Variants in MCM5 observed in about 807,000 individuals in gnomAD.
The protein encoded by MCM5 is DNA replication licensing factor MCM5.
A neutral mutation model predicts 79.9 loss-of-function variants in MCM5; 46 were observed. That is an observed-to-expected ratio of 0.58 (90% CI 0.45 to 0.74). MCM5 has a LOEUF of 0.74. MCM5 is among the 30% of genes least tolerant of loss of function. The probability of loss-of-function intolerance (pLI) is 0.00; values close to 1 mark genes in which losing one functional copy is unlikely to be tolerated. For missense variants in MCM5, 883 were observed against 1,017.0 expected, an observed-to-expected ratio of 0.87 and a Z score of 1.79; for synonymous variants, 404 against 390.5, an observed-to-expected ratio of 1.03 and a Z score of -0.41.
Position 35,424,151 on chromosome 22 carries a change from C to T in MCM5, c.2104-3C>T. 6.5e-7 allele frequency: 1 copy of T among 1,546,858 alleles called. No individual in the cohort carries two copies. Among genetic ancestry groups the T allele is most frequent in the Non-Finnish European group, 8.7e-7 (1 of 1,143,600 alleles). On this transcript the variant is annotated splice_polypyrimidine_tract_variant and splice_region_variant and intron_variant, in intron 16 of 16. Transcript: ENST00000216122. Reference sequence around the variant, plus strand: ...GCCGTTAGCCAGCCATGTGCTCCCACAGAAATACCCGGAGCACGCCATCCA... The same window carrying T: ...GCCGTTAGCCAGCCATGTGCTCCCATAGAAATACCCGGAGCACGCCATCCA...
At chr22:35,453,819 T>TATATATATAGAGAG in the MCM5 span, among the ~76,000 whole-genome samples, 167 of 81,504 alleles carry the variant, frequency 2.0e-3, no homozygotes, top group Non-Finnish European at 2.5e-3. Flanking sequence ...TATATATATA[T>TATATATATAGAGAG]AGAGAGAGAG....
the MCM5 span, among the ~76,000 whole-genome samples, chr22:35,438,559 TCATCCATC>T: frequency 2.2e-4 from 18 of 82,900 alleles, no homozygotes; most frequent in African/African-American, 7.4e-4. Context: ...ACTCACATAT[TCATCCATC>T]CATCCATCCA....
chr22:35,419,154 G>A (rs939767753), intron 13 of MCM5, among the ~76,000 whole-genome samples: 1 of 152,130 alleles, frequency 6.6e-6, no homozygotes. Context: ...AGAGGCTTGG[G>A]CCCACAGCTG....
At chr22:35,412,205 A>G (rs993100612) in intron 7 of MCM5, among the ~76,000 whole-genome samples, 2 of 152,154 alleles carry the variant, frequency 1.3e-5, no homozygotes, top group Non-Finnish European at 2.9e-5. Flanking sequence ...CCAAGACACT[A>G]TATCACTCCT....
intron 2 of MCM5, among the ~76,000 whole-genome samples, chr22:35,402,489 G>T (rs1601750543): frequency 6.6e-6 from 1 of 151,692 alleles, no homozygotes; most frequent in East Asian, 1.9e-4. Flanking sequence ...ACCACACCCG[G>T]CTAGGTTTTT....
At position 35,402,494 on chromosome 22, in the gene MCM5, G is replaced by GT. The variant is rs996685807; in HGVS notation, c.168-702dup. Among the ~76,000 whole-genome samples, 615 of 144,042 alleles carry GT rather than the reference G, an allele frequency of 4.3e-3. 2 individuals are homozygous for GT. The highest frequency in any genetic ancestry group is 6.6e-3 in the Non-Finnish European group (430 of 65,130). The allele number at this position is 144,042 out of a possible 152,430, so 94.5% of individuals were successfully genotyped here. A position where few individuals can be genotyped will look rare whatever the true frequency, so the allele number is the denominator to read the frequency against. ...GGCATCCGCCACCACACCCGGCTAG[G>GT]TTTTTTTTTTTGTATTTTTAGTAGA... On this transcript the variant is annotated intron_variant, in intron 2 of 16. Transcript: ENST00000216122.
chr22:35,400,264 G>T (rs4645731), intron 1 of MCM5, 56 bp downstream of exon 1: 9,206 of 674,984 alleles, frequency 0.014, 108 homozygotes, highest in Middle Eastern at 0.041. Flanking sequence ...CTGGATTTCC[G>T]GGTGTAGTTG....
chr22:35,405,634 C>T (rs568734325), intron 4 of MCM5, among the ~76,000 whole-genome samples: 4 of 152,114 alleles, frequency 2.6e-5, no homozygotes, highest in South Asian at 2.1e-4. Context: ...TCCAAAGTGT[C>T]GGTATTACAG....
intron 2 of MCM5, chr22:35,401,858 GGGACCTTTGAGCTAA>G (rs1165790237): frequency 5.8e-5 from 22 of 376,972 alleles, no homozygotes; most frequent in Admixed American, 1.6e-4. Flanking sequence ...GAAGTTTGAG[GGGACCTTTGAGCTAA>G]GGTCAGAGTT....
intron 2 of MCM5, among the ~76,000 whole-genome samples, chr22:35,402,688 C>T (rs775074782): frequency 6.6e-6 from 1 of 152,086 alleles, no homozygotes; most frequent in Non-Finnish European, 1.5e-5. Context: ...GGACTACAGG[C>T]GTATGCTACC....
the MCM5 span, among the ~76,000 whole-genome samples, chr22:35,453,756 GA>G: frequency 6.7e-6 from 1 of 148,532 alleles, no homozygotes; most frequent in Non-Finnish European, 1.5e-5. Flanking sequence ...GAGACAGACA[GA>G]CAGAGAGGGA....
the MCM5 span, among the ~76,000 whole-genome samples, chr22:35,432,186 A>G: frequency 6.6e-6 from 1 of 152,230 alleles, no homozygotes; most frequent in Non-Finnish European, 1.5e-5. Context: ...CACTGGGAAT[A>G]CAGAGAACAA....
chr22:35,450,629 C>G, the MCM5 span, among the ~76,000 whole-genome samples: 1 of 152,330 alleles, frequency 6.6e-6, no homozygotes, highest in African/African-American at 2.4e-5. Context: ...TGACCAGGGA[C>G]TTCTGAAGAC....
the MCM5 span, among the ~76,000 whole-genome samples, chr22:35,437,197 G>A: frequency 1.3e-5 from 2 of 148,716 alleles, no homozygotes; most frequent in Non-Finnish European, 3.0e-5. Flanking sequence ...AATGGGCAGT[G>A]CCCCGAACAT....
intron 2 of MCM5, among the ~76,000 whole-genome samples, chr22:35,400,827 G>A (rs1277274636): frequency 6.6e-6 from 1 of 152,126 alleles, no homozygotes; most frequent in Non-Finnish European, 1.5e-5. Flanking sequence ...TAACGTATTT[G>A]TTTATTATTT....
Position 35,412,570 on chromosome 22 carries a change from C to T in MCM5, c.980C>T (p.Ala327Val), listed in dbSNP as rs544602690. 47 of 1,583,118 alleles carry T rather than the reference C, an allele frequency of 3.0e-5. No homozygotes were observed. In the South Asian group the frequency reaches 5.2e-4, roughly 17 times the overall value. The change falls in exon 8 of 17, where the codon GCC becomes GTC. Residue 327 changes from alanine to valine, a missense_variant. Coordinates refer to ENST00000216122, the MANE Select transcript of MCM5 (RefSeq NM_006739.4). ...QEEEEFRRLA[A>V]LPNVYEVISK... Reference sequence around the variant, plus strand: ...GAGGAGGAGTTCCGTCGCCTGGCTGCCCTCCCAAATGTCTATGAGGTCATC... The same window carrying T: ...GAGGAGGAGTTCCGTCGCCTGGCTGTCCTCCCAAATGTCTATGAGGTCATC...
the MCM5 span, among the ~76,000 whole-genome samples, chr22:35,431,241 C>T: frequency 6.6e-6 from 1 of 152,176 alleles, no homozygotes; most frequent in East Asian, 1.9e-4. Flanking sequence ...CCTGAGTTAT[C>T]GTTATCATGC....
the MCM5 span, among the ~76,000 whole-genome samples, chr22:35,445,047 A>G: frequency 6.6e-6 from 1 of 152,160 alleles, no homozygotes; most frequent in Admixed American, 6.5e-5. Flanking sequence ...CCAGGTGGAC[A>G]TTCTATTTGG....
chr22:35,419,987 C>A lies in MCM5; in HGVS notation c.1807C>A (p.Arg603Ser). The A allele has an allele frequency of 6.2e-7, 1 of 1,612,246 alleles. No individual in the cohort carries two copies. Among genetic ancestry groups the A allele is most frequent in the African/African-American group, 1.3e-5 (1 of 75,034 alleles). Residue 603 changes from arginine (R) to serine (S), a missense_variant, in exon 14 of 17, where the codon CGC (arginine) becomes AGC (serine). Arg to Ser is a moderately radical substitution (Grantham distance 110). Around this residue, in one of 3 missense-constraint regions of MCM5, gnomAD observed 426 missense variants for 482.3 expected, o/e 0.88. Coordinates refer to ENST00000216122, the MANE Select transcript of MCM5 (RefSeq NM_006739.4). ...TCAGCACGAGAGGGACAGTGACCGCCGCTCCAGCATCCCCATCACTGTGCG... is the reference window on the plus strand; with the variant it reads ...TCAGCACGAGAGGGACAGTGACCGCAGCTCCAGCATCCCCATCACTGTGCG... ...ARQHERDSDR[R>S]SSIPITVRQL...
Sources: allele counts gnomAD v4.1 joint callset (sites outside exome capture counted in the v4.1 genomes callset), GRCh38; gene constraint gnomAD v4.1.1; regional missense constraint gnomAD v4.1.1; transcripts MANE v1.5; gene names NCBI Gene and HGNC (gene_info 2026-07-23, HGNC 2026-07-21).